The following TMEM185A variants were observed in gnomAD, a reference collection of about 807,000 sequenced individuals.
TMEM185A encodes the protein transmembrane protein 185A, also known as family with sequence similarity 11, member A.
In TMEM185A, 9 loss-of-function variants were observed where a neutral mutation model predicts 25.0. The observed-to-expected ratio is 0.36, with a 90% CI of 0.22 to 0.63. TMEM185A has a LOEUF of 0.63. Among genes scored for constraint, TMEM185A ranks in the 20% least tolerant of loss-of-function variants. TMEM185A has a pLI of 0.68. For missense variants in TMEM185A, 103 were observed against 237.4 expected (o/e 0.43, Z 3.72); for synonymous variants, 45 against 93.5 (o/e 0.48, Z 2.99).
intron 1 of TMEM185A, 29 bp downstream of exon 1, chrX:149,631,514 T>G (rs782371718): frequency 7.8e-5 from 90 of 1,152,160 alleles, no homozygotes; most frequent in Non-Finnish European, 1.0e-4. Context: ...CAGCGCGGAC[T>G]CCCGGGGGCG....
At chrX:149,622,582 G>C (rs1183282188) in intron 1 of TMEM185A, among the ~76,000 whole-genome samples, 3 of 112,297 alleles carry the variant, frequency 2.7e-5, no homozygotes, top group Non-Finnish European at 5.6e-5. Flanking sequence ...GAGAAAAAAA[G>C]GATCATGGGG....
chrX:149,630,901 A>G (rs1014215699), intron 1 of TMEM185A, among the ~76,000 whole-genome samples: 1 of 111,872 alleles, frequency 8.9e-6, no homozygotes, highest in Non-Finnish European at 1.9e-5. Flanking sequence ...GAAGGACAGC[A>G]ATATCTACTT....
intron 1 of TMEM185A, 22 bp from the exon 2 acceptor site, chrX:149,611,485 TAAG>T (rs1557354497): frequency 1.7e-6 from 2 of 1,163,667 alleles, no homozygotes; most frequent in South Asian, 2.0e-5. Flanking sequence ...GTAAAACGAT[TAAG>T]AAGGATTCAC....
intron 2 of TMEM185A, among the ~76,000 whole-genome samples, chrX:149,610,621 ACT>A (rs1303796837): frequency 9.2e-6 from 1 of 108,248 alleles, no homozygotes; most frequent in Non-Finnish European, 1.9e-5. Context: ...GAAGGGAAAG[ACT>A]CTCGCAGGTC....
Position 149,605,401 on chromosome X carries a change from AGCCTCCCATGTCACTTTCTATG to A in TMEM185A, c.424-1353_424-1332del, listed in dbSNP as rs1463440427. ...TATAGCCTCCCATGTCACTTTCTAT[AGCCTCCCATGTCACTTTCTATG>A]GCCTCCCATGTCACTATGGCCTCCC... is the stretch of plus-strand genomic sequence containing the variant. On this transcript the variant is annotated intron_variant, in intron 3 of 6. Coordinates refer to ENST00000600449, the MANE Select transcript of TMEM185A (RefSeq NM_032508.4). Among the ~76,000 whole-genome samples, 218 of 74,062 alleles carry A rather than the reference AGCCTCCCATGTCACTTTCTATG, an allele frequency of 2.9e-3. 1 individual carries two copies. The highest frequency in any genetic ancestry group is 0.016 in the Middle Eastern group (2 of 129). The allele number at this position is 74,062 out of a possible 115,157, so 64.3% of individuals were successfully genotyped here.
chrX:149,609,819 A>AT (rs2090072347), intron 2 of TMEM185A, among the ~76,000 whole-genome samples: 1 of 112,522 alleles, frequency 8.9e-6, no homozygotes, highest in African/African-American at 3.2e-5. Flanking sequence ...AAACATCTTA[A>AT]ATAAGACCAA....
chrX:149,631,499 G>A (rs1557356629), intron 1 of TMEM185A, 44 bp downstream of exon 1: 6 of 1,144,142 alleles, frequency 5.2e-6, no homozygotes, highest in Non-Finnish European at 7.0e-6. Flanking sequence ...CCGCGCCCGA[G>A]CCCGCAGCGC....
chrX:149,609,679 G>A (rs782014532), intron 2 of TMEM185A, among the ~76,000 whole-genome samples: 9 of 112,236 alleles, frequency 8.0e-5, no homozygotes, highest in Admixed American at 1.9e-4. Flanking sequence ...TTAGATCATA[G>A]AGAAAATGCT....
At chrX:149,619,763 T>C (rs1478960006) in intron 1 of TMEM185A, among the ~76,000 whole-genome samples, 2 of 110,235 alleles carry the variant, frequency 1.8e-5, no homozygotes, top group African/African-American at 6.6e-5. Context: ...TTTGGTTTTT[T>C]GTCCTTGCAA....
At chrX:149,603,841 A>G (rs1447050600) in intron 4 of TMEM185A, 146 bp downstream of exon 4, 10 of 429,455 alleles carry the variant, frequency 2.3e-5, no homozygotes, top group Non-Finnish European at 7.9e-6. Context: ...AAAAACACTA[A>G]CCATGTTATC....
At chrX:149,624,179 C>G (rs923368080) in intron 1 of TMEM185A, among the ~76,000 whole-genome samples, 4 of 112,141 alleles carry the variant, frequency 3.6e-5, no homozygotes, top group Non-Finnish European at 7.5e-5. Context: ...TCCAGTTACA[C>G]CTTTAGAATG....
At chrX:149,605,552 GCCTCCCATGTCACTTTCTATA>G (rs2090046559) in intron 3 of TMEM185A, among the ~76,000 whole-genome samples, 2 of 108,330 alleles carry the variant, frequency 1.8e-5, no homozygotes, top group African/African-American at 6.8e-5. Context: ...ACTTTCTATA[GCCTCCCATGTCACTTTCTATA>G]GCCTCCCATG....
At position 149,608,746 on chromosome X, in the gene TMEM185A, A is replaced by C; in HGVS notation, c.304T>G (p.Cys102Gly). The C allele has an allele frequency of 8.3e-7, 1 of 1,211,855 alleles. No homozygotes were observed. Among genetic ancestry groups the C allele is most frequent in the Non-Finnish European group, 1.1e-6 (1 of 895,392 alleles). Residue 102 changes from cysteine to glycine, a missense_variant, in exon 3 of 7, where the codon TGT (cysteine) becomes GGT (glycine). Transcript: ENST00000600449. ...TGGCTTCCTCTCTCGATTCTGTCACAGACCAGAACTTCAAACATCAACAAG... is the reference window on the plus strand; with the variant it reads ...TGGCTTCCTCTCTCGATTCTGTCACCGACCAGAACTTCAAACATCAACAAG... ...LLLLMFEVLV[C>G]DRIERGSHFW... is the part of the protein sequence containing the mutation.
In TMEM185A at chrX:149,629,903, T is replaced by C. The variant is rs193138526; in HGVS notation, c.38+1640A>G. On this transcript the variant is annotated intron_variant, in intron 1 of 6. Transcript: ENST00000600449. The stretch of plus-strand genomic sequence containing the variant: ...TATTTGTAAGGCACTTTGTAATCAA[T>C]CCTTAATTGGCCTCCCTACCCCACT... Among the ~76,000 whole-genome samples the C allele has an allele frequency of 1.1e-4, 12 of 112,333 alleles. No homozygotes were observed. In the East Asian group the frequency reaches 3.1e-3, roughly 29 times the overall value.
intron 6 of TMEM185A, 44 bp downstream of exon 6, chrX:149,599,510 C>G (rs2090009559): frequency 1.0e-6 from 1 of 956,161 alleles, no homozygotes; most frequent in African/African-American, 2.2e-5. Context: ...CCCTGGTCCC[C>G]CCCCAGACAC....
chrX:149,628,100 C>T (rs1474514068), intron 1 of TMEM185A, among the ~76,000 whole-genome samples: 3 of 111,869 alleles, frequency 2.7e-5, no homozygotes, highest in Non-Finnish European at 5.6e-5. Context: ...TTGTTCCAGT[C>T]TAGCACACCT....
intron 1 of TMEM185A, among the ~76,000 whole-genome samples, chrX:149,625,947 T>C (rs1315019030): frequency 8.9e-6 from 1 of 112,055 alleles, no homozygotes; most frequent in African/African-American, 3.2e-5. Flanking sequence ...TACAATGTCA[T>C]GGAGGAAAGG....
chrX:149,608,492 G>T (rs782667368), intron 3 of TMEM185A, 135 bp downstream of exon 3: 4 of 565,484 alleles, frequency 7.1e-6, no homozygotes, highest in Non-Finnish European at 8.3e-6. Flanking sequence ...CACCACACCC[G>T]GCTAATTTTT....
chrX:149,612,975 G>A (rs1378294547), intron 1 of TMEM185A, among the ~76,000 whole-genome samples: 3 of 111,603 alleles, frequency 2.7e-5, no homozygotes, highest in Non-Finnish European at 5.6e-5. Flanking sequence ...CTGCCATATC[G>A]CTTCTGCTTC....
Sources: gnomAD v4.1 joint callset for allele counts (sites outside exome capture counted in the v4.1 genomes callset) on GRCh38, gnomAD v4.1.1 for gene constraint, MANE v1.5 for transcripts, NCBI Gene and HGNC (gene_info 2026-07-23, HGNC 2026-07-21) for gene names.